The following MMRN1 variants were observed in gnomAD, a reference collection of about 807,000 sequenced individuals.
MMRN1 encodes the protein multimerin 1.
A neutral mutation model predicts 100.7 loss-of-function variants in MMRN1; 94 were observed. The observed-to-expected ratio is 0.93, with a 90% CI of 0.79 to 1.11. The LOEUF (loss-of-function observed/expected upper bound fraction) is 1.11. Among genes scored for constraint, MMRN1 ranks in the 50% least tolerant of loss-of-function variants. The pLI is 0.00. For missense variants in MMRN1, 1,606 were observed against 1,439.1 expected (o/e 1.12, Z -1.88); for synonymous variants, 575 against 505.0 (o/e 1.14, Z -1.86).
At position 89,895,583 on chromosome 4, in the gene MMRN1, A is replaced by C; in HGVS notation, c.612A>C (p.Thr204=). Residue 204 remains threonine, a synonymous_variant, in exon 1 of 8, where the codon ACA becomes ACC. Coordinates refer to ENST00000264790, the MANE Select transcript of MMRN1 (RefSeq NM_007351.3). ...ACTACCAAAAATCAAATTTCGAAACAACTAGAGGAAAGTAAGAAATCTTCT... is the reference window on the plus strand; with the variant it reads ...ACTACCAAAAATCAAATTTCGAAACCACTAGAGGAAAGTAAGAAATCTTCT... The part of the protein sequence containing the change: ...RTDYQKSNFE[T]TRGKNWCAYV... 2 of 1,612,704 alleles carry C rather than the reference A, an allele frequency of 1.2e-6. No homozygotes were observed. Among genetic ancestry groups the C allele is most frequent in the Non-Finnish European group, 8.5e-7 (1 of 1,179,328 alleles).
chr4:89,882,559 A>G (rs1001214917), intron 1 of MMRN1, among the ~76,000 whole-genome samples: 2 of 151,836 alleles, frequency 1.3e-5, no homozygotes, highest in Admixed American at 6.6e-5. Flanking sequence ...TAGTCATATT[A>G]CATCTTTGAT....
rs1013067582 is a variant in MMRN1 at position 89,936,638 on chromosome 4, A to G, written c.2958A>G (p.Ile986Met). The part of the protein sequence containing the change: ...QAALSNLTCC[I>M]DRSLPGSLAN... ...CCCTATCTAATTTAACTTGTTGTATAGATCGATCGTTGCCTGGTAGTCTGG... is the reference window on the plus strand; with the variant it reads ...CCCTATCTAATTTAACTTGTTGTATGGATCGATCGTTGCCTGGTAGTCTGG... Residue 986 changes from isoleucine to methionine, a missense_variant, in exon 6 of 8, where the codon ATA becomes ATG. Ile to Met is a conservative substitution (Grantham distance 10). Coordinates refer to ENST00000264790, the MANE Select transcript of MMRN1 (RefSeq NM_007351.3). 1.5e-5 allele frequency: 25 copies of G among 1,613,322 alleles called. No individual in the cohort carries two copies. The highest frequency in any genetic ancestry group is 1.9e-5 in the Non-Finnish European group (23 of 1,179,620).
Position 89,952,954 on chromosome 4 carries a change from T to C in MMRN1, c.3266-43T>C, listed in dbSNP as rs1243388991. The stretch of plus-strand genomic sequence containing the variant: ...AAGATATAAGGAAAGAAAAATAAGA[T>C]AAAAACATGAAAATTAACTCTTGCC... On this transcript the variant is annotated intron_variant, in intron 7 of 7. Transcript: ENST00000264790. 3.3e-6 allele frequency: 5 copies of C among 1,508,872 alleles called. No individual in the cohort carries two copies. The South Asian group carries it at 5.3e-5, about 16-fold the overall frequency. 93.5% of individuals were successfully genotyped at this position (1,508,872 alleles called of 1,614,324 possible).
chr4:89,940,041 A>C (rs1722773831), intron 6 of MMRN1, among the ~76,000 whole-genome samples: 1 of 152,150 alleles, frequency 6.6e-6, no homozygotes, highest in Non-Finnish European at 1.5e-5. Flanking sequence ...TCTGATTCCT[A>C]GTAGGCCACT....
intron 3 of MMRN1, among the ~76,000 whole-genome samples, chr4:89,913,373 G>C (rs1721814949): frequency 6.6e-6 from 1 of 151,254 alleles, no homozygotes; most frequent in Non-Finnish European, 1.5e-5. Flanking sequence ...CATCTTATTA[G>C]TAGACATGTG....
Position 89,936,621 on chromosome 4 carries a change from A to G in MMRN1, c.2941A>G (p.Asn981Asp). The G allele has an allele frequency of 6.2e-7, 1 of 1,613,056 alleles. No homozygotes were observed. The highest frequency in any genetic ancestry group is 8.5e-7 in the Non-Finnish European group (1 of 1,179,558). Residue 981 changes from asparagine to aspartate, a missense_variant, in exon 6 of 8, where the codon AAT becomes GAT. Asn to Asp is a conservative substitution (Grantham distance 23). Coordinates refer to ENST00000264790, the MANE Select transcript of MMRN1 (RefSeq NM_007351.3). ...AATAAAAACTCAAGCTGCCCTATCT[A>G]ATTTAACTTGTTGTATAGATCGATC... ...IQIKTQAALS[N>D]LTCCIDRSLP...
intron 1 of MMRN1, among the ~76,000 whole-genome samples, chr4:89,901,048 C>T (rs2110585281): frequency 6.6e-6 from 1 of 151,066 alleles, no homozygotes; most frequent in Non-Finnish European, 1.5e-5. Context: ...GAAAAATAGC[C>T]ACTATTTCAG....
chr4:89,880,862 CA>C (rs1238532084), intron 1 of MMRN1, among the ~76,000 whole-genome samples: 3 of 152,088 alleles, frequency 2.0e-5, no homozygotes, highest in Non-Finnish European at 4.4e-5. Flanking sequence ...TGTTAAAAAA[CA>C]GTCTCAGGCT....
chr4:89,932,515 G>T lies in MMRN1; in HGVS notation c.1130-2295G>T, dbSNP rs140061128. 9.5e-3 allele frequency among the ~76,000 whole-genome samples: 1,448 copies of T among 152,258 alleles called. 12 individuals carry two copies. The highest frequency in any genetic ancestry group is 0.065 in the Middle Eastern group (19 of 294). The stretch of plus-strand genomic sequence containing the variant: ...TCCCTTCTGCACCACCCTAGCAGAG[G>T]TTCTCTATGAAGGCTGTGCCCCTGC... On this transcript the variant is annotated intron_variant, in intron 5 of 7. Transcript: ENST00000264790.
In MMRN1 at chr4:89,895,082, G is replaced by T; in HGVS notation, c.111G>T (p.Lys37Asn). 6.2e-7 allele frequency: 1 copy of T among 1,613,898 alleles called. No homozygotes were observed. The highest frequency in any genetic ancestry group is 1.1e-5 in the South Asian group (1 of 91,084). Reference protein sequence around the residue: ...WTIPEDGNSQKTMPSASVPPN... With the variant: ...WTIPEDGNSQNTMPSASVPPN... ...TACCTGAGGATGGGAACTCTCAGAA[G>T]ACTATGCCTTCTGCTTCAGTTCCTC... The change falls in exon 1 of 8, where the codon AAG becomes AAT. Residue 37 changes from lysine (K) to asparagine (N), a missense_variant. Physicochemically the swap from Lys to Asn is moderately conservative, Grantham distance 94 (BLOSUM62 0). Coordinates refer to ENST00000264790, the MANE Select transcript of MMRN1 (RefSeq NM_007351.3).
Position 89,904,611 on chromosome 4 carries a change from A to G in MMRN1, c.624-4665A>G, listed in dbSNP as rs78576871. 1.3e-3 allele frequency among the ~76,000 whole-genome samples: 195 copies of G among 151,620 alleles called. No individual in the cohort carries two copies. In the Middle Eastern group the frequency reaches 0.014, roughly 11 times the overall value. ...GGTTCTTCCTTTTCAAAGGTTGAAT[A>G]ATACCCCATTTTGAGTGTGCGTGTG... On this transcript the variant is annotated intron_variant, in intron 1 of 7. Coordinates refer to ENST00000264790, the MANE Select transcript of MMRN1 (RefSeq NM_007351.3).
At chr4:89,904,503 C>T (rs375823251) in intron 1 of MMRN1, among the ~76,000 whole-genome samples, 1 of 151,716 alleles carries the variant, frequency 6.6e-6, no homozygotes, top group East Asian at 1.9e-4. Context: ...TGAATTTAAC[C>T]ACTTAAGTAC....
chr4:89,884,099 TA>T (rs2110568701), intron 1 of MMRN1, among the ~76,000 whole-genome samples: 1 of 152,274 alleles, frequency 6.6e-6, no homozygotes, highest in South Asian at 2.1e-4. Flanking sequence ...ACCAATATTA[TA>T]GTATTTTTCC....
intron 6 of MMRN1, among the ~76,000 whole-genome samples, chr4:89,939,727 T>C (rs756406409): frequency 2.0e-4 from 30 of 152,302 alleles, no homozygotes; most frequent in Non-Finnish European, 4.0e-4. Flanking sequence ...TCTGTTTCTG[T>C]TTCATGCATC....
In MMRN1 at chr4:89,935,432, G is replaced by A. The variant is rs201404179; in HGVS notation, c.1752G>A (p.Glu584=). 65 of 1,613,520 alleles carry A rather than the reference G, an allele frequency of 4.0e-5. No homozygotes were observed. The East Asian group carries it at 1.2e-3, about 29-fold the overall frequency. ...INNLTVSLEM[E]KESLRGECED... is the part of the protein sequence containing the mutation. ...ATCTCACCGTCTCTTTGGAGATGGA[G>A]AAAGAGTCTCTCAGAGGTGAATGTG... The change falls in exon 6 of 8, where the codon GAG becomes GAA. Residue 584 remains glutamate (E), a synonymous_variant. Transcript: ENST00000264790.
chr4:89,925,155 A>C (rs1276024430), intron 4 of MMRN1, among the ~76,000 whole-genome samples: 1 of 150,974 alleles, frequency 6.6e-6, no homozygotes, highest in African/African-American at 2.4e-5. Flanking sequence ...TTATTTATTT[A>C]TTTTTAGAGA....
At position 89,935,232 on chromosome 4, in the gene MMRN1, G is replaced by A. The variant is rs146236543; in HGVS notation, c.1552G>A (p.Glu518Lys). 278 of 1,613,604 alleles carry A rather than the reference G, an allele frequency of 1.7e-4. No homozygotes were observed. The African/African-American group carries it at 3.3e-3, about 19-fold the overall frequency. The change falls in exon 6 of 8, where the codon GAG (glutamate) becomes AAG (lysine). Residue 518 changes from glutamate (E) to lysine (K), a missense_variant. Coordinates refer to ENST00000264790, the MANE Select transcript of MMRN1 (RefSeq NM_007351.3). ...KTLSKLKEVH[E>K]QLLSTEQVSD... ...TCTTTCTAAATTGAAGGAAGTACAT[G>A]AGCAGCTTTTATCAACTGAACAGGT...
intron 5 of MMRN1, among the ~76,000 whole-genome samples, chr4:89,932,107 A>G (rs1465437118): frequency 6.6e-6 from 1 of 152,194 alleles, no homozygotes; most frequent in East Asian, 1.9e-4. Flanking sequence ...AATTGGGTAA[A>G]TACAGCCATT....
In MMRN1 at chr4:89,923,291, T is replaced by G; in HGVS notation, c.955+19T>G. On this transcript the variant is annotated intron_variant, in intron 4 of 7. Coordinates refer to ENST00000264790, the MANE Select transcript of MMRN1 (RefSeq NM_007351.3). ...GACCCAGGTCATAGATTGTAATTAC[T>G]ATCATCTCTGACCCAATTATTGTCA... is the stretch of plus-strand genomic sequence containing the variant. 1.3e-6 allele frequency: 2 copies of G among 1,593,680 alleles called. No individual in the cohort carries two copies. Among genetic ancestry groups the G allele is most frequent in the Non-Finnish European group, 1.7e-6 (2 of 1,161,998 alleles).
Sources: allele counts gnomAD v4.1 joint callset (sites outside exome capture counted in the v4.1 genomes callset), GRCh38; gene constraint gnomAD v4.1.1; transcripts MANE v1.5; gene names NCBI Gene and HGNC (gene_info 2026-07-23, HGNC 2026-07-21).